DNER: variants seen among roughly 807,000 people sequenced by gnomAD.
The protein encoded by DNER is delta/notch like EGF repeat containing, also known as delta and Notch-like epidermal growth factor-related receptor.
DNER carries 33 observed loss-of-function variants against 78.2 expected under a neutral mutation model. The ratio of observed to expected loss-of-function variants is 0.42; its 90% CI spans 0.32 to 0.56. DNER has a LOEUF of 0.56. Ranked by LOEUF, DNER falls within the 20% of genes least tolerant of loss-of-function variation. The pLI is 0.11. For missense variants in DNER, 918 were observed against 975.3 expected (o/e 0.94, Z 0.78); for synonymous variants, 417 against 384.8 (o/e 1.08, Z -0.98).
chr2:229,468,547 A>C (rs113059469), intron 7 of DNER, among the ~76,000 whole-genome samples: 1 of 152,038 alleles, frequency 6.6e-6, no homozygotes, highest in Admixed American at 6.6e-5. Flanking sequence ...TTGACCCCCT[A>C]TGATTCCATC....
At chr2:229,455,892 T>C (rs936508544) in intron 7 of DNER, among the ~76,000 whole-genome samples, 3 of 152,126 alleles carry the variant, frequency 2.0e-5, no homozygotes, top group African/African-American at 7.3e-5. Context: ...AAAGATCAAG[T>C]AACTTGCCCA....
In DNER at chr2:229,530,855, G is replaced by A. The variant is rs73998267; in HGVS notation, c.993+16092C>T. Among the ~76,000 whole-genome samples the A allele has an allele frequency of 8.1e-3, 1,226 of 152,248 alleles. 24 individuals are homozygous for A. The highest frequency in any genetic ancestry group is 0.028 in the African/African-American group (1,167 of 41,536). ...AGTATGGAATGATTCCCCTGTTACCGATCAGTAACAGATATGTGGGTGTAG... is the reference window on the plus strand; with the variant it reads ...AGTATGGAATGATTCCCCTGTTACCAATCAGTAACAGATATGTGGGTGTAG... On this transcript the variant is annotated intron_variant, in intron 5 of 12. Coordinates refer to ENST00000341772, the MANE Select transcript of DNER (RefSeq NM_139072.4).
chr2:229,594,069 G>T lies in DNER; in HGVS notation c.277-2181C>A, dbSNP rs982207812. ...CTGACAACCATCAGTCCTCAGAGAG[G>T]CAGAGGCCTCCTCAAAAGGGGCACT... On this transcript the variant is annotated intron_variant, in intron 1 of 12. Transcript: ENST00000341772. Among the ~76,000 whole-genome samples the T allele has an allele frequency of 4.6e-5, 7 of 152,328 alleles. No homozygotes were observed. In the South Asian group the frequency reaches 1.4e-3, roughly 32 times the overall value.
chr2:229,471,237 A>G (rs1405059431), intron 7 of DNER, among the ~76,000 whole-genome samples: 1 of 152,208 alleles, frequency 6.6e-6, no homozygotes, highest in Non-Finnish European at 1.5e-5. Flanking sequence ...TCTGAGAGAT[A>G]ACTTTTATGA....
intron 6 of DNER, among the ~76,000 whole-genome samples, chr2:229,505,044 A>G (rs757990772): frequency 5.3e-5 from 8 of 152,190 alleles, no homozygotes; most frequent in Non-Finnish European, 1.0e-4. Flanking sequence ...TGAGGATGAT[A>G]TGTTCATAAC....
intron 5 of DNER, among the ~76,000 whole-genome samples, chr2:229,537,820 A>C (rs1004946428): frequency 6.6e-6 from 1 of 152,064 alleles, no homozygotes; most frequent in African/African-American, 2.4e-5. Context: ...GGTTAGTTAC[A>C]TATGTATACA....
intron 3 of DNER, chr2:229,586,752 T>A: frequency 1.0e-6 from 1 of 985,800 alleles, no homozygotes; most frequent in Non-Finnish European, 1.2e-6. Context: ...ACATATTACC[T>A]CTTCCCAGAG....
chr2:229,454,882 G>A (rs1694538903), intron 7 of DNER, among the ~76,000 whole-genome samples: 1 of 150,968 alleles, frequency 6.6e-6, no homozygotes, highest in Non-Finnish European at 1.5e-5. Context: ...TCTAAAAAAA[G>A]AAAGTGGGAT....
intron 4 of DNER, among the ~76,000 whole-genome samples, chr2:229,563,778 TCATCAACATCATCACCCCATCAC>T (rs1472535912): frequency 3.2e-4 from 45 of 142,794 alleles, no homozygotes; most frequent in Admixed American, 2.2e-3. Flanking sequence ...ATCTCCATCA[TCATCAACATCATCACCCCATCAC>T]CATCAACATC....
intron 10 of DNER, among the ~76,000 whole-genome samples, chr2:229,397,222 C>T (rs1693164279): frequency 6.6e-6 from 1 of 152,006 alleles, no homozygotes; most frequent in South Asian, 2.1e-4. Flanking sequence ...GAGAAAGAGA[C>T]AGACTGGCTA....
At chr2:229,586,788 A>C (rs1050711908) in intron 3 of DNER, 10 of 985,738 alleles carry the variant, frequency 1.0e-5, no homozygotes, top group Non-Finnish European at 1.1e-5. Context: ...CCAACATCCC[A>C]ACAGCTGCCC....
intron 8 of DNER, among the ~76,000 whole-genome samples, chr2:229,444,602 G>A (rs1694302116): frequency 6.6e-6 from 1 of 152,160 alleles, no homozygotes; most frequent in African/African-American, 2.4e-5. Flanking sequence ...ATAAGAAAAA[G>A]TTTGGGTCAG....
chr2:229,459,782 G>C (rs907869856), intron 7 of DNER, among the ~76,000 whole-genome samples: 1 of 151,948 alleles, frequency 6.6e-6, no homozygotes, highest in Non-Finnish European at 1.5e-5. Flanking sequence ...ATGGTGGTGT[G>C]TGCCTGTAAT....
chr2:229,435,988 C>CA (rs1694113865), intron 8 of DNER, among the ~76,000 whole-genome samples: 1 of 152,148 alleles, frequency 6.6e-6, no homozygotes, highest in South Asian at 2.1e-4. Context: ...CAGGGATACA[C>CA]AGGCAGGTTT....
intron 1 of DNER, among the ~76,000 whole-genome samples, chr2:229,700,596 G>A (rs954677479): frequency 1.3e-5 from 2 of 151,976 alleles, no homozygotes; most frequent in Non-Finnish European, 2.9e-5. Context: ...GTCAACCATC[G>A]AAAATAATGG....
chr2:229,600,031 C>T (rs182158913), intron 1 of DNER, among the ~76,000 whole-genome samples: 8 of 152,282 alleles, frequency 5.3e-5, no homozygotes, highest in African/African-American at 1.9e-4. Context: ...AACACAGATT[C>T]CCCAGCTCCA....
chr2:229,570,375 G>A (rs571795798), intron 4 of DNER, among the ~76,000 whole-genome samples: 1 of 152,310 alleles, frequency 6.6e-6, no homozygotes, highest in Non-Finnish European at 1.5e-5. Context: ...GCTTACGCCT[G>A]TAATCTCAGC....
At chr2:229,659,870 T>C (rs1217249451) in intron 1 of DNER, among the ~76,000 whole-genome samples, 1 of 152,174 alleles carries the variant, frequency 6.6e-6, no homozygotes, top group African/African-American at 2.4e-5. Context: ...TCTTCATCAA[T>C]GACTGCCATG....
intron 6 of DNER, among the ~76,000 whole-genome samples, chr2:229,488,090 T>C (rs1419517822): frequency 6.6e-6 from 1 of 152,234 alleles, no homozygotes; most frequent in Non-Finnish European, 1.5e-5. Flanking sequence ...CCCTTCTCCC[T>C]GGGAGCAAGT....
Sources: gnomAD v4.1 joint callset for allele counts (sites outside exome capture counted in the v4.1 genomes callset) on GRCh38, gnomAD v4.1.1 for gene constraint, MANE v1.5 for transcripts, NCBI Gene and HGNC (gene_info 2026-07-23, HGNC 2026-07-21) for gene names.